USH1C: variants seen among roughly 807,000 people sequenced by gnomAD.
USH1C encodes the protein harmonin.
In USH1C, 90 loss-of-function variants were observed where a neutral mutation model predicts 119.3. The ratio of observed to expected loss-of-function variants is 0.75; its 90% CI spans 0.64 to 0.90. USH1C has a LOEUF of 0.90. USH1C is among the 40% of genes least tolerant of loss of function. The pLI, the probability that USH1C is intolerant of heterozygous loss-of-function variation, is 0.00. For synonymous variants in USH1C, 465 were observed against 443.3 expected (o/e 1.05, Z -0.62); for missense variants, 1,165 against 1,167.7 (o/e 1.00, Z 0.03).
chr11:17,536,237 G>C (rs1015214399), intron 1 of USH1C, among the ~76,000 whole-genome samples: 3 of 152,192 alleles, frequency 2.0e-5, no homozygotes, highest in Non-Finnish European at 4.4e-5. Context: ...AACCCTGGGT[G>C]GTGACACAAG....
chr11:17,542,006 G>A (rs1851489764), intron 1 of USH1C, among the ~76,000 whole-genome samples: 1 of 152,102 alleles, frequency 6.6e-6, no homozygotes, highest in South Asian at 2.1e-4. Flanking sequence ...AATCAACATG[G>A]ACATTTCTTG....
intron 18 of USH1C, among the ~76,000 whole-genome samples, chr11:17,506,838 T>G (rs549489207): frequency 6.6e-6 from 1 of 152,224 alleles, no homozygotes; most frequent in African/African-American, 2.4e-5. Context: ...GGGTGCCTAC[T>G]TTTCTTTGTT....
Position 17,494,263 on chromosome 11 carries a change from T to C in USH1C, c.*69A>G. On this transcript the variant is annotated 3_prime_UTR_variant, in exon 27 of 27. Transcript: ENST00000005226. ...TCCCAAGGATGCCATCTGGTGTGTG[T>C]AGTGTGGCCTCTCTCAAGGCTGATC... 6.5e-7 allele frequency: 1 copy of C among 1,533,850 alleles called. No homozygotes were observed. The highest frequency in any genetic ancestry group is 2.3e-5 in the East Asian group (1 of 42,670).
intron 1 of USH1C, among the ~76,000 whole-genome samples, chr11:17,539,298 C>T (rs1300925657): frequency 6.6e-6 from 1 of 152,160 alleles, no homozygotes; most frequent in Non-Finnish European, 1.5e-5. Flanking sequence ...CCCCACAAGC[C>T]TGTGTGTGGC....
At chr11:17,500,331 T>C (rs1411651302) in intron 23 of USH1C, among the ~76,000 whole-genome samples, 1 of 152,204 alleles carries the variant, frequency 6.6e-6, no homozygotes, top group Non-Finnish European at 1.5e-5. Flanking sequence ...TGCCTCCACC[T>C]TCTCCTGGCT....
intron 9 of USH1C, among the ~76,000 whole-genome samples, chr11:17,524,024 T>A (rs1165211836): frequency 2.0e-5 from 3 of 152,204 alleles, no homozygotes; most frequent in African/African-American, 7.2e-5. Context: ...TTGGACCACC[T>A]AGGTTTGAAT....
intron 4 of USH1C, among the ~76,000 whole-genome samples, chr11:17,528,063 C>G (rs1349568928): frequency 1.3e-5 from 2 of 152,198 alleles, no homozygotes; most frequent in African/African-American, 4.8e-5. Context: ...CTGTCTGAAC[C>G]TGTTTTCCTC....
In USH1C at chr11:17,494,255, G is replaced by T. The variant is rs558040715; in HGVS notation, c.*77C>A. The T allele has an allele frequency of 3.5e-4, 527 of 1,504,926 alleles. 1 individual carries two copies. The African/African-American group carries it at 6.5e-3, about 18-fold the overall frequency. 93.2% of individuals were successfully genotyped at this position (1,504,926 alleles called of 1,614,324 possible). ...GATTCAGGTCCCAAGGATGCCATCT[G>T]GTGTGTGTAGTGTGGCCTCTCTCAA... On this transcript the variant is annotated 3_prime_UTR_variant, in exon 27 of 27. Coordinates refer to ENST00000005226, the MANE Select transcript of USH1C (RefSeq NM_153676.4).
chr11:17,526,539 C>T (rs550052014), intron 7 of USH1C, 98 bp from the exon 8 acceptor site: 29 of 1,204,840 alleles, frequency 2.4e-5, no homozygotes, highest in East Asian at 7.5e-5. Flanking sequence ...GCTGAACTCA[C>T]GCCAGCCAGA....
At chr11:17,521,832 CATTA>C (rs1296085397) in intron 12 of USH1C, among the ~76,000 whole-genome samples, 1 of 152,188 alleles carries the variant, frequency 6.6e-6, no homozygotes, top group Non-Finnish European at 1.5e-5. Flanking sequence ...TTTCAAAATA[CATTA>C]ATTGATTGAT....
intron 1 of USH1C, 74 bp from the exon 2 acceptor site, chr11:17,533,396 G>T (rs1851084909): frequency 1.7e-6 from 2 of 1,144,336 alleles, no homozygotes; most frequent in African/African-American, 1.5e-5. Context: ...GGGAGGAGAG[G>T]TCATCCCCAA....
Position 17,504,707 on chromosome 11 carries a change from G to GAA in USH1C, c.2134-12_2134-11dup, listed in dbSNP as rs397848183. On this transcript the variant is annotated splice_polypyrimidine_tract_variant and intron_variant, in intron 19 of 26. Transcript: ENST00000005226. Reference sequence around the variant, plus strand: ...TCAACATCTCCTGTGGCTGCCAGAGGAAAAAAAAAAAAGTTCCACATTGGA... The same window carrying GAA: ...TCAACATCTCCTGTGGCTGCCAGAGGAAAAAAAAAAAAAAGTTCCACATTGGA... 3.2e-5 allele frequency: 41 copies of GAA among 1,270,480 alleles called. No homozygotes were observed. The African/African-American group carries it at 4.1e-4, about 13-fold the overall frequency. The allele number at this position is 1,270,480 out of a possible 1,614,324, so 78.7% of individuals were successfully genotyped here. A position where few individuals can be genotyped will look rare whatever the true frequency, so the allele number is the denominator to read the frequency against.
At chr11:17,543,740 A>G (rs1851572970) in intron 1 of USH1C, among the ~76,000 whole-genome samples, 1 of 152,112 alleles carries the variant, frequency 6.6e-6, no homozygotes, top group African/African-American at 2.4e-5. Context: ...GGTCAGCACC[A>G]GCTCCTCAGC....
Position 17,509,367 on chromosome 11 carries a change from G to A in USH1C, c.2002C>T (p.Pro668Ser), listed in dbSNP as rs1016708738. 1.9e-6 allele frequency: 3 copies of A among 1,579,974 alleles called. No homozygotes were observed. The Admixed American group carries it at 5.2e-5, about 27-fold the overall frequency. ...AACAGGGACATTACCTTTGGGGTGG[G>A]TGGGAAGCTCTGTTCAGGGACAGGG... is the stretch of plus-strand genomic sequence containing the variant. ...NSPVPEQSFP[P>S]TPKTFCPSPQ... The change falls in exon 18 of 27, where the codon CCC becomes TCC. Residue 668 changes from proline (P) to serine (S), a missense_variant. Pro to Ser is a moderately conservative substitution (Grantham distance 74, BLOSUM62 -1). Coordinates refer to ENST00000005226, the MANE Select transcript of USH1C (RefSeq NM_153676.4).
chr11:17,494,583 G>A (rs551963159), intron 26 of USH1C: 3 of 626,446 alleles, frequency 4.8e-6, no homozygotes, highest in Admixed American at 4.9e-5. Flanking sequence ...AAAGCGGGAG[G>A]GACACCTGGG....
rs2190453 is a variant in USH1C, at chr11:17,511,850, G to A, written c.1413+52C>T. ...GGTCCTCTGGGAGCACATGGAGAAC[G>A]ACCACATTGTGTCCCAGGGTTGCTT... On this transcript the variant is annotated intron_variant, in intron 16 of 26. Transcript: ENST00000005226. 870,637 of 1,579,734 alleles carry A rather than the reference G, an allele frequency of 0.55. 244,740 individuals carry two copies. The highest frequency in any genetic ancestry group is 0.63 in the East Asian group (27,964 of 44,600).
chr11:17,505,140 T>A (rs551528430), intron 19 of USH1C, among the ~76,000 whole-genome samples: 1 of 152,352 alleles, frequency 6.6e-6, no homozygotes, highest in Admixed American at 6.5e-5. Context: ...CCCAGCTCCC[T>A]TAGCCGTCAG....
intron 2 of USH1C, among the ~76,000 whole-genome samples, chr11:17,532,649 C>T (rs1196844290): frequency 1.3e-5 from 2 of 152,170 alleles, no homozygotes; most frequent in East Asian, 1.9e-4. Flanking sequence ...CCTGGTCCTT[C>T]CTCTTCCCTC....
rs550878832 is a variant in USH1C, at chr11:17,507,180, T to G, written c.2014-1231A>C. ...TCCTGCTGCAGCACTGATGACAGCT[T>G]GCCAGGGGCATGCAGGGAGGAGGAG... On this transcript the variant is annotated intron_variant, in intron 18 of 26. Coordinates refer to ENST00000005226, the MANE Select transcript of USH1C (RefSeq NM_153676.4). Among the ~76,000 whole-genome samples the G allele has an allele frequency of 1.8e-4, 28 of 152,324 alleles. No individual in the cohort carries two copies. The South Asian group carries it at 5.8e-3, about 32-fold the overall frequency.
Sources: gnomAD v4.1 joint callset for allele counts (sites outside exome capture counted in the v4.1 genomes callset) on GRCh38, gnomAD v4.1.1 for gene constraint, MANE v1.5 for transcripts, NCBI Gene and HGNC (gene_info 2026-07-23, HGNC 2026-07-21) for gene names.